TAP2: variants seen among roughly 807,000 people sequenced by gnomAD.
TAP2 encodes antigen peptide transporter 2.
In TAP2, 49 loss-of-function variants were observed where a neutral mutation model predicts 74.7. The observed-to-expected ratio is 0.66, with a 90% CI of 0.52 to 0.83. The LOEUF is 0.83. Ranked by LOEUF, TAP2 falls within the 40% of genes least tolerant of loss-of-function variation. The pLI, the probability that TAP2 is intolerant of heterozygous loss-of-function variation, is 0.00. For missense variants in TAP2, 739 were observed against 859.0 expected (o/e 0.86, Z 1.75); for synonymous variants, 306 against 368.4 (o/e 0.83, Z 1.94).
chr6:32,824,322 A>C (rs560308153), downstream of TAP2, among the ~76,000 whole-genome samples: 25 of 152,006 alleles, frequency 1.6e-4, no homozygotes, highest in Admixed American at 3.3e-4. Flanking sequence ...ATATGTTTAG[A>C]TATTTCTGTA....
chr6:32,825,126 T>TTATA (rs28381588), downstream of TAP2, among the ~76,000 whole-genome samples: 3 of 140,784 alleles, frequency 2.1e-5, no homozygotes, highest in South Asian at 4.7e-4. Flanking sequence ...TGTCTGTTGG[T>TTATA]TATATACATA....
At chr6:32,821,908 T>C (rs1376156841), downstream of TAP2, 1 of 210,780 alleles carries the variant, frequency 4.7e-6, no homozygotes, top group Admixed American at 5.6e-5. Context: ...TTTAATTCTT[T>C]CTCAGTGGTG....
intron 7 of TAP2, among the ~76,000 whole-genome samples, chr6:32,831,773 T>C (rs942741590): frequency 2.6e-5 from 4 of 152,144 alleles, no homozygotes; most frequent in Admixed American, 6.5e-5. Context: ...GATGGATAGA[T>C]AGATAGACAG....
chr6:32,837,990 G>A lies in TAP2; in HGVS notation c.244C>T (p.Leu82=). The stretch of plus-strand genomic sequence containing the variant: ...GGAGCACGTGAGGCCCCCGCGACCA[G>A]GGCTCTCAGGGAGACAGTCAGGGGG... ...ATPLTVSLRA[L]VAGASRAPPA... is the part of the protein sequence containing the mutation. The change falls in exon 2 of 12, where the codon CTG becomes TTG. Residue 82 remains leucine, a synonymous_variant. Transcript: ENST00000374897. 1 of 1,612,624 alleles carries A rather than the reference G, an allele frequency of 6.2e-7. No homozygotes were observed. Among genetic ancestry groups the A allele is most frequent in the Non-Finnish European group, 8.5e-7 (1 of 1,179,864 alleles).
In TAP2 at chr6:32,825,913, A is replaced by G; in HGVS notation, c.*2993T>C. On this transcript the variant is annotated 3_prime_UTR_variant, in exon 12 of 12. Coordinates refer to ENST00000374897, the MANE Select transcript of TAP2 (RefSeq NM_001290043.2). ...CTGCCACATAGAATTATCTTGAAAA[A>G]TAAGGTAAGAAGACAGGTTTCAGAT... 1.2e-6 allele frequency: 1 copy of G among 853,170 alleles called. No individual in the cohort carries two copies. The highest frequency in any genetic ancestry group is 1.4e-6 in the Non-Finnish European group (1 of 709,864). 52.8% of individuals were successfully genotyped at this position (853,170 alleles called of 1,614,324 possible). A position where few individuals can be genotyped will look rare whatever the true frequency, so the allele number is the denominator to read the frequency against.
Position 32,828,765 on chromosome 6 carries a change from C to T in TAP2, c.*141G>A, listed in dbSNP as rs538480114. The stretch of plus-strand genomic sequence containing the variant: ...GTGCCTGCAACTCAGGAACAGCTAT[C>T]TGGCCGCACAGCTCTAGGGAAACTC... On this transcript the variant is annotated 3_prime_UTR_variant, in exon 12 of 12. Transcript: ENST00000374897. 8.9e-7 allele frequency: 1 copy of T among 1,117,706 alleles called. No homozygotes were observed. Among genetic ancestry groups the T allele is most frequent in the African/African-American group, 1.6e-5 (1 of 60,698 alleles). 69.2% of individuals were successfully genotyped at this position (1,117,706 alleles called of 1,614,324 possible). A position where few individuals can be genotyped will look rare whatever the true frequency, so the allele number is the denominator to read the frequency against.
At chr6:32,822,308 C>T (rs1768329999), downstream of TAP2, 1 of 1,536,228 alleles carries the variant, frequency 6.5e-7, no homozygotes. Context: ...CATGAACTTC[C>T]AAAGGGTTTT....
rs1768849057 is a variant in TAP2 at position 32,828,942 on chromosome 6, G to T, written c.2025C>A (p.Leu675=). 6.5e-7 allele frequency: 1 copy of T among 1,546,696 alleles called. No individual in the cohort carries two copies. The highest frequency in any genetic ancestry group is 1.4e-5 in the African/African-American group (1 of 73,160). ...TVQRAHQILV[L]QEGKLQKLAQ... ...CAAGCTTCTGCAGCTTGCCCTCCTG[G>T]AGCACCAGGATCTGGTGGGCGCGCT... The change falls in exon 12 of 12, where the codon CTC becomes CTA. Residue 675 remains leucine (L), a synonymous_variant. Coordinates refer to ENST00000374897, the MANE Select transcript of TAP2 (RefSeq NM_001290043.2).
chr6:32,835,645 G>A lies in TAP2; in HGVS notation c.737C>T (p.Thr246Ile). The A allele has an allele frequency of 6.2e-7, 1 of 1,613,108 alleles. No homozygotes were observed. Among genetic ancestry groups the A allele is most frequent in the South Asian group, 1.1e-5 (1 of 91,088 alleles). ...QDLGFFQETK[T>I]GELNSRLSSD... Reference sequence around the variant, plus strand: ...CAGACCTGGACTCCAGGCCCCACCTGTCTTAGTCTCCTGGAAGAAACCGAG... The same window carrying A: ...CAGACCTGGACTCCAGGCCCCACCTATCTTAGTCTCCTGGAAGAAACCGAG... Residue 246 changes from threonine to isoleucine, a missense_variant and splice_region_variant, in exon 4 of 12, where the codon ACA becomes ATA. Physicochemically the swap from Thr to Ile is moderately conservative, Grantham distance 89. Coordinates refer to ENST00000374897, the MANE Select transcript of TAP2 (RefSeq NM_001290043.2). This position sits in a 1 kb window ranked among gnomAD's most constrained non-coding sequence, Gnocchi z 4.0.
chr6:32,835,741 A>C lies in TAP2; in HGVS notation c.641T>G (p.Phe214Cys), dbSNP rs1769377449. The change falls in exon 4 of 12, where the codon TTC (phenylalanine) becomes TGC (cysteine). Residue 214 changes from phenylalanine to cysteine, a missense_variant. Coordinates refer to ENST00000374897, the MANE Select transcript of TAP2 (RefSeq NM_001290043.2). This position sits in a 1 kb window ranked among gnomAD's most constrained non-coding sequence, Gnocchi z 4.0. ...SLSAGCRGGC[F>C]TYTMSRINLR... ...GTTGATTCGAGACATGGTGTAGGTG[A>C]AGCAGCCTCCTCGGCAGCCTGCAGA... The C allele has an allele frequency of 1.5e-5, 24 of 1,613,100 alleles. No individual in the cohort carries two copies. Among genetic ancestry groups the C allele is most frequent in the Non-Finnish European group, 2.0e-5 (24 of 1,180,024 alleles).
rs1301331500 is a variant in TAP2 at position 32,835,344 on chromosome 6, C to A, written c.755G>T (p.Arg252Leu). The A allele has an allele frequency of 6.2e-7, 1 of 1,613,070 alleles. No homozygotes were observed. Among genetic ancestry groups the A allele is most frequent in the East Asian group, 2.2e-5 (1 of 44,886 alleles). Residue 252 changes from arginine (R) to leucine (L), a missense_variant, in exon 5 of 12, where the codon CGG (arginine) becomes CTG (leucine). Arg to Leu is a moderately radical substitution (Grantham distance 102). Transcript: ENST00000374897. The surrounding 1 kb of genome is among the most constrained non-coding windows in gnomAD (Gnocchi z 4.0). Reference protein sequence around the residue: ...QETKTGELNSRLSSDTTLMSN... With the variant: ...QETKTGELNSLLSSDTTLMSN... Reference sequence around the variant, plus strand: ...CATCAGGGTGGTATCCGAGCTCAGCCGTGAGTTCAGCTCCCCTAAGAAGGA... The same window carrying A: ...CATCAGGGTGGTATCCGAGCTCAGCAGTGAGTTCAGCTCCCCTAAGAAGGA...
At chr6:32,823,258 G>A (rs1768422615), downstream of TAP2, among the ~76,000 whole-genome samples, 1 of 152,032 alleles carries the variant, frequency 6.6e-6, no homozygotes. Flanking sequence ...TCCAGGGAAA[G>A]GGAATTAAAG....
At chr6:32,830,891 C>G in intron 7 of TAP2, 85 bp from the exon 8 acceptor site, 1 of 1,124,688 alleles carries the variant, frequency 8.9e-7, no homozygotes, top group East Asian at 2.6e-5. Context: ...ACTCCACTCA[C>G]AACTGCACTG....
At position 32,829,497 on chromosome 6, in the gene TAP2, T is replaced by C; in HGVS notation, c.1835A>G (p.Lys612Arg). 1 of 1,614,168 alleles carries C rather than the reference T, an allele frequency of 6.2e-7. No homozygotes were observed. Among genetic ancestry groups the C allele is most frequent in the Non-Finnish European group, 8.5e-7 (1 of 1,180,016 alleles). ...EKGSQLAAGQ[K>R]QRLAIARALV... The stretch of plus-strand genomic sequence containing the variant: ...GGCCCGGGCAATGGCCAGACGTTGT[T>C]TCTGTCCCGCAGCCAGCTGGCTTCC... The change falls in exon 11 of 12, where the codon AAA becomes AGA. Residue 612 changes from lysine (K) to arginine (R), a missense_variant. Transcript: ENST00000374897.
At position 32,830,634 on chromosome 6, in the gene TAP2, T is replaced by C. The variant is rs1769008209; in HGVS notation, c.1445A>G (p.Asp482Gly). Residue 482 changes from aspartate to glycine, a missense_variant, in exon 8 of 12, where the codon GAC (aspartate) becomes GGC (glycine). Coordinates refer to ENST00000374897, the MANE Select transcript of TAP2 (RefSeq NM_001290043.2). ...DVSFAYPNRP[D>G]RPVLKGLTFT... ...TTCAGGCACCTTGAGCACAGGCCTG[T>C]CAGGGCGATTGGGATATGCAAAGGA... 1 of 1,613,044 alleles carries C rather than the reference T, an allele frequency of 6.2e-7. No homozygotes were observed. The highest frequency in any genetic ancestry group is 8.5e-7 in the Non-Finnish European group (1 of 1,180,014).
At chr6:32,825,221 A>C (rs371158606), downstream of TAP2, among the ~76,000 whole-genome samples, 1 of 151,518 alleles carries the variant, frequency 6.6e-6, no homozygotes, top group African/African-American at 2.4e-5. Flanking sequence ...CAATTTTGCA[A>C]TATCTATCAA....
chr6:32,837,365 C>T (rs753923347), intron 3 of TAP2, among the ~76,000 whole-genome samples, 172 bp downstream of exon 3: 6 of 151,972 alleles, frequency 3.9e-5, no homozygotes, highest in South Asian at 2.1e-4. Context: ...TGAATATGAA[C>T]GAAGGAAGAA....
In TAP2 at chr6:32,837,805, C is replaced by T; in HGVS notation, c.429G>A (p.Lys143=). ...GGAGAGGCAGGTCCGGCCTGGAGAG[C>T]TTCAGCAGCCTCCACATCAAGACTT... ...NNKVLMWRLL[K]LSRPDLPLLV... The change falls in exon 2 of 12, where the codon AAG becomes AAA. Residue 143 remains lysine (K), a synonymous_variant. Transcript: ENST00000374897. 6.2e-7 allele frequency: 1 copy of T among 1,614,050 alleles called. No individual in the cohort carries two copies. Among genetic ancestry groups the T allele is most frequent in the Non-Finnish European group, 8.5e-7 (1 of 1,180,016 alleles).
rs878862358 is a variant in TAP2, at chr6:32,828,679, C to CCACCCCACCA, written c.*226_*227insTGGTGGGGTG. 1.1e-6 allele frequency: 1 copy of CCACCCCACCA among 948,138 alleles called. No homozygotes were observed. Among genetic ancestry groups the CCACCCCACCA allele is most frequent in the Non-Finnish European group, 1.3e-6 (1 of 788,690 alleles). The allele number at this position is 948,138 out of a possible 1,614,324, so 58.7% of individuals were successfully genotyped here. On this transcript the variant is annotated 3_prime_UTR_variant, in exon 12 of 12. Coordinates refer to ENST00000374897, the MANE Select transcript of TAP2 (RefSeq NM_001290043.2). Reference sequence around the variant, plus strand: ...TAAGTTTCCTGGACACAGACAGCCCCCACCCCACCCCACCCCACCTCTCTA... The same window carrying CCACCCCACCA: ...TAAGTTTCCTGGACACAGACAGCCCCCACCCCACCACACCCCACCCCACCCCACCTCTCTA...
Sources: gnomAD v4.1 joint callset for allele counts (sites outside exome capture counted in the v4.1 genomes callset) on GRCh38, gnomAD v4.1.1 for gene constraint, Gnocchi (gnomAD v3.1) non-coding constraint, MANE v1.5 for transcripts, NCBI Gene and HGNC (gene_info 2026-07-23, HGNC 2026-07-21) for gene names.